Variants in ABHD2 observed in about 807,000 individuals in gnomAD.
ABHD2 encodes abhydrolase domain containing 2, acylglycerol lipase.
Under a neutral mutation model 48.1 loss-of-function variants are expected in ABHD2, and 20 were observed. The observed-to-expected ratio is 0.42, with a 90% CI of 0.29 to 0.60. The LOEUF is 0.60. ABHD2 is among the 20% of genes least tolerant of loss of function. The pLI is 0.24. For missense variants in ABHD2, 405 were observed against 550.9 expected (o/e 0.74, Z 2.65); for synonymous variants, 209 against 214.2 (o/e 0.98, Z 0.21).
intron 5 of ABHD2, among the ~76,000 whole-genome samples, chr15:89,169,538 CAT>C (rs1177053627): frequency 1.3e-5 from 2 of 152,124 alleles, no homozygotes; most frequent in Non-Finnish European, 2.9e-5. Context: ...TGGAACCAAA[CAT>C]AAAGATATAG....
At chr15:89,042,962 C>T in the ABHD2 span, among the ~76,000 whole-genome samples, 54,847 of 152,050 alleles carry the variant, frequency 0.36, 11,872 homozygotes, top group South Asian at 0.5. Flanking sequence ...GCCACGGCGC[C>T]CGGCCTATAC....
intron 5 of ABHD2, among the ~76,000 whole-genome samples, chr15:89,156,409 C>G (rs576848234): frequency 2.5e-4 from 38 of 152,118 alleles, no homozygotes; most frequent in Non-Finnish European, 4.6e-4. Context: ...GCATGAGCCA[C>G]CGCGCCCCGC....
At chr15:89,056,476 A>G in the ABHD2 span, among the ~76,000 whole-genome samples, 1 of 152,038 alleles carries the variant, frequency 6.6e-6, no homozygotes, top group East Asian at 1.9e-4. Flanking sequence ...CCCCGTCTCT[A>G]CTAAAAATAC....
At chr15:89,108,628 C>G (rs2049824617) in intron 1 of ABHD2, among the ~76,000 whole-genome samples, 1 of 152,168 alleles carries the variant, frequency 6.6e-6, no homozygotes, top group Non-Finnish European at 1.5e-5. Flanking sequence ...GCTTTCCGCA[C>G]TGTAAGTTGT....
At chr15:89,118,371 G>A (rs543410490) in intron 3 of ABHD2, among the ~76,000 whole-genome samples, 1 of 152,156 alleles carries the variant, frequency 6.6e-6, no homozygotes, top group Admixed American at 6.5e-5. Context: ...TAGAGACGGG[G>A]TTTCACCATG....
chr15:89,192,781 T>C (rs370746357), intron 9 of ABHD2, among the ~76,000 whole-genome samples: 8 of 152,328 alleles, frequency 5.3e-5, no homozygotes, highest in South Asian at 2.1e-4. Flanking sequence ...ACTTGTGGGC[T>C]CAAGCAGTCC....
intron 3 of ABHD2, among the ~76,000 whole-genome samples, chr15:89,149,771 A>G (rs953131213): frequency 1.5e-4 from 23 of 152,206 alleles, no homozygotes; most frequent in Non-Finnish European, 2.9e-5. Flanking sequence ...TGGGCCTGGT[A>G]GTTTAGGTTT....
At chr15:89,123,714 C>T (rs567417318) in intron 3 of ABHD2, among the ~76,000 whole-genome samples, 20 of 151,370 alleles carry the variant, frequency 1.3e-4, no homozygotes, top group African/African-American at 4.6e-4. Context: ...CCTCCCATCT[C>T]AGCCTCACAA....
At chr15:89,076,224 TCAAA>T in the ABHD2 span, among the ~76,000 whole-genome samples, 6 of 152,190 alleles carry the variant, frequency 3.9e-5, no homozygotes, top group African/African-American at 1.4e-4. Flanking sequence ...CACAAAATAC[TCAAA>T]CAAATAGACA....
upstream of ABHD2, among the ~76,000 whole-genome samples, chr15:89,086,905 T>C (rs1901369738): frequency 6.6e-6 from 1 of 152,196 alleles, no homozygotes; most frequent in Non-Finnish European, 1.5e-5. Flanking sequence ...TGAAAGAGAA[T>C]ACAGAGGAAT....
rs1346205939 is a variant in ABHD2, at chr15:89,116,133, G to T, written c.-6-189G>T. The stretch of plus-strand genomic sequence containing the variant: ...CCATGCTCAGACTGTTTGTGATTTG[G>T]ATTATGGCCAGTTGATTAGTAGCTG... On this transcript the variant is annotated intron_variant, in intron 2 of 10. Coordinates refer to ENST00000352732, the MANE Select transcript of ABHD2 (RefSeq NM_152924.5). The surrounding 1 kb of genome is among the most constrained non-coding windows in gnomAD (Gnocchi z 4.6). Among the ~76,000 whole-genome samples the T allele has an allele frequency of 1.3e-5, 2 of 152,204 alleles. No individual in the cohort carries two copies. The highest frequency in any genetic ancestry group is 3.8e-4 in the East Asian group (2 of 5,196).
At position 89,166,919 on chromosome 15, in the gene ABHD2, C is replaced by T. The variant is rs563455983; in HGVS notation, c.539-8893C>T. 6.6e-6 allele frequency among the ~76,000 whole-genome samples: 1 copy of T among 152,218 alleles called. No individual in the cohort carries two copies. The highest frequency in any genetic ancestry group is 6.5e-5 in the Admixed American group (1 of 15,290). On this transcript the variant is annotated intron_variant, in intron 5 of 10. Transcript: ENST00000352732. The surrounding 1 kb of genome is among the most constrained non-coding windows in gnomAD (Gnocchi z 4.6). ...TTAGAAGGGAGGGAGACCCCATCTCCCTCCATCTAATTACACATTCCAATT... is the reference window on the plus strand; with the variant it reads ...TTAGAAGGGAGGGAGACCCCATCTCTCTCCATCTAATTACACATTCCAATT...
rs570647471 is a variant in ABHD2, at chr15:89,201,815, G to A, written c.*6392G>A. On this transcript the variant is annotated 3_prime_UTR_variant, in exon 11 of 11. Transcript: ENST00000352732. The stretch of plus-strand genomic sequence containing the variant: ...AGGCAGACGCCATTGGAGAGACAGC[G>A]CAGAGCAGGGGGCGGCTTGCTCGCT... 108 of 1,307,970 alleles carry A rather than the reference G, an allele frequency of 8.3e-5. No individual in the cohort carries two copies. In the East Asian group the frequency reaches 9.4e-4, roughly 11 times the overall value. 81.0% of individuals were successfully genotyped at this position (1,307,970 alleles called of 1,614,324 possible).
At chr15:89,118,342 T>C (rs1240291373) in intron 3 of ABHD2, among the ~76,000 whole-genome samples, 1 of 152,038 alleles carries the variant, frequency 6.6e-6, no homozygotes, top group Admixed American at 6.6e-5. Flanking sequence ...CACGCCCAGC[T>C]AATTTTTGTA....
chr15:89,051,091 G>T, the ABHD2 span, among the ~76,000 whole-genome samples: 1 of 152,092 alleles, frequency 6.6e-6, no homozygotes, highest in East Asian at 1.9e-4. Flanking sequence ...AAATTAGCTG[G>T]GCGTGGTGGT....
rs1940330171 is a variant in ABHD2 at position 89,200,001 on chromosome 15, C to T, written c.*4578C>T. On this transcript the variant is annotated 3_prime_UTR_variant, in exon 11 of 11. Transcript: ENST00000352732. ...CTCGGAACGCTGCAGCCCAGGCTTC[C>T]TCCCACAGTGGCCCTTGGAAGCAGG... 6.6e-6 allele frequency: 1 copy of T among 152,624 alleles called. No individual in the cohort carries two copies. Among genetic ancestry groups the T allele is most frequent in the Non-Finnish European group, 1.5e-5 (1 of 68,070 alleles). The allele number at this position is 152,624 out of a possible 1,614,324, so 9.5% of individuals were successfully genotyped here.
chr15:89,064,239 A>T, the ABHD2 span, among the ~76,000 whole-genome samples: 152 of 38,380 alleles, frequency 4.0e-3, no homozygotes, highest in African/African-American at 0.024. Context: ...TTTTTTTTTT[A>T]CACGGAGTCT....
chr15:89,151,792 T>A lies in ABHD2; in HGVS notation c.310T>A (p.Ser104Thr). ...TGGGCACCGGAAGTTCATCACTATGTCTGATGGAGCCACTTCTACATTCGA... is the reference window on the plus strand; with the variant it reads ...TGGGCACCGGAAGTTCATCACTATGACTGATGGAGCCACTTCTACATTCGA... ...PYGHRKFITM[S>T]DGATSTFDLF... Residue 104 changes from serine (S) to threonine (T), a missense_variant, in exon 4 of 11, where the codon TCT becomes ACT. Physicochemically the swap from Ser to Thr is moderately conservative, Grantham distance 58. Transcript: ENST00000352732. This position sits in a 1 kb window ranked among gnomAD's most constrained non-coding sequence, Gnocchi z 4.7. 6.2e-7 allele frequency: 1 copy of A among 1,614,210 alleles called. No individual in the cohort carries two copies. The highest frequency in any genetic ancestry group is 8.5e-7 in the Non-Finnish European group (1 of 1,180,044).
intron 6 of ABHD2, among the ~76,000 whole-genome samples, chr15:89,183,158 T>G (rs1256152363): frequency 6.6e-6 from 1 of 152,036 alleles, no homozygotes; most frequent in Non-Finnish European, 1.5e-5. Context: ...CCATGTCTAG[T>G]CAGTGTCCAG....
Sources: allele counts gnomAD v4.1 joint callset (sites outside exome capture counted in the v4.1 genomes callset), GRCh38; gene constraint gnomAD v4.1.1; non-coding constraint Gnocchi (gnomAD v3.1); transcripts MANE v1.5; gene names NCBI Gene and HGNC (gene_info 2026-07-23, HGNC 2026-07-21).